FGF13: variants seen among roughly 807,000 people sequenced by gnomAD.
FGF13 encodes fibroblast growth factor homologous factor 2.
In FGF13, 2 loss-of-function variants were observed where a neutral mutation model predicts 19.5. The ratio of observed to expected loss-of-function variants is 0.10; its 90% CI spans 0.04 to 0.32. The LOEUF is 0.32. FGF13 is among the 10% of genes least tolerant of loss of function. The pLI, the probability that FGF13 is intolerant of heterozygous loss-of-function variation, is 1.00. For missense variants in FGF13, 113 were observed against 192.7 expected (o/e 0.59, Z 2.45); for synonymous variants, 72 against 76.9 (o/e 0.94, Z 0.33).
intron 1 of FGF13, among the ~76,000 whole-genome samples, chrX:139,010,882 A>G (rs2124372998): frequency 8.9e-6 from 1 of 111,888 alleles, no homozygotes; most frequent in African/African-American, 3.2e-5. Context: ...CTTGGAAAAT[A>G]TAAGTAAAAT....
At chrX:139,159,557 C>T in intron 1 of FGF13, among the ~76,000 whole-genome samples, 1 of 107,137 alleles carries the variant, frequency 9.3e-6, no homozygotes, top group Non-Finnish European at 1.9e-5. Context: ...AGTCAAGACC[C>T]ATCAGTGTGC....
chrX:139,194,531 A>T (rs1486797419), intron 1 of FGF13, among the ~76,000 whole-genome samples: 3 of 112,577 alleles, frequency 2.7e-5, no homozygotes, highest in Non-Finnish European at 5.6e-5. Flanking sequence ...ATTAGCATTA[A>T]CAAGAAGACA....
At chrX:139,057,468 A>T (rs749558016) in intron 1 of FGF13, among the ~76,000 whole-genome samples, 14 of 112,010 alleles carry the variant, frequency 1.2e-4, no homozygotes, top group African/African-American at 4.5e-4. Context: ...ACAGTTTTGC[A>T]TATGACCCAG....
intron 3 of FGF13, among the ~76,000 whole-genome samples, chrX:138,839,968 G>A (rs771142808): frequency 4.8e-4 from 54 of 111,658 alleles, no homozygotes; most frequent in African/African-American, 1.0e-3. Context: ...CATTTCTATC[G>A]AGATTATAGA....
At chrX:138,876,643 A>G (rs978026936) in intron 1 of FGF13, among the ~76,000 whole-genome samples, 2 of 112,085 alleles carry the variant, frequency 1.8e-5, no homozygotes, top group Non-Finnish European at 3.8e-5. Context: ...TTAGAAGAGG[A>G]TGCTGACCTC....
At chrX:138,770,067 C>T (rs1294260998) in intron 3 of FGF13, among the ~76,000 whole-genome samples, 1 of 112,347 alleles carries the variant, frequency 8.9e-6, no homozygotes, top group Non-Finnish European at 1.9e-5. Flanking sequence ...ATTCTGCATA[C>T]TATGCCCCTC....
chrX:139,033,290 T>C (rs2092237360), intron 1 of FGF13, among the ~76,000 whole-genome samples: 1 of 111,719 alleles, frequency 9.0e-6, no homozygotes, highest in Non-Finnish European at 1.9e-5. Flanking sequence ...CTACTACTAA[T>C]AAAAATGATT....
At chrX:138,865,433 TCTCTCTCTCTCTCTCTC>T (rs1174927256) in intron 1 of FGF13, among the ~76,000 whole-genome samples, 7 of 95,496 alleles carry the variant, frequency 7.3e-5, no homozygotes, top group African/African-American at 8.7e-5. Flanking sequence ...CTCTCTCTCT[TCTCTCTCTCTCTCTCTC>T]CTCTCTCTCT....
intron 1 of FGF13, among the ~76,000 whole-genome samples, chrX:138,727,156 A>T (rs766260224): frequency 3.8e-4 from 40 of 104,440 alleles, no homozygotes; most frequent in African/African-American, 1.4e-3. Flanking sequence ...AATAAGATTC[A>T]TTTTTTTTTT....
At chrX:138,690,142 CAG>C (rs1401210269) in intron 3 of FGF13, among the ~76,000 whole-genome samples, 1 of 111,490 alleles carries the variant, frequency 9.0e-6, no homozygotes, top group Non-Finnish European at 1.9e-5. Flanking sequence ...CATCTAATCA[CAG>C]AGAAGGGGTA....
chrX:138,743,480 C>T (rs1287367777), upstream of FGF13, among the ~76,000 whole-genome samples: 2 of 111,223 alleles, frequency 1.8e-5, no homozygotes, highest in Non-Finnish European at 3.8e-5. Context: ...TGTCCAAACC[C>T]AGACAATGTA....
At position 139,144,072 on chromosome X, in the gene FGF13, G is replaced by A. The variant is rs183100992; in HGVS notation, c.-113+59344C>T. 2.9e-4 allele frequency among the ~76,000 whole-genome samples: 32 copies of A among 111,270 alleles called. No homozygotes were observed. The East Asian group carries it at 8.9e-3, about 31-fold the overall frequency. ...AGCCAAGGAAAGGTAGCCCTGGCAG[G>A]GTGCAGCACTCCCCTCCTTCTCTCC... On this transcript the variant is annotated intron_variant, in intron 1 of 2. Transcript: ENST00000421460.
At position 138,628,806 on chromosome X, in the gene FGF13, G is replaced by A. The variant is rs575449895; in HGVS notation, c.*4044C>T. The A allele has an allele frequency of 8.9e-6, 1 of 111,848 alleles. No homozygotes were observed. Among genetic ancestry groups the A allele is most frequent in the African/African-American group, 3.2e-5 (1 of 30,853 alleles). 9.2% of individuals were successfully genotyped at this position (111,848 alleles called of 1,213,427 possible). A position where few individuals can be genotyped will look rare whatever the true frequency, so the allele number is the denominator to read the frequency against. ...AAACTGGAACAAATGTACTGGTTAG[G>A]GAGGGGAGGAGTGCCACAGATCACT... On this transcript the variant is annotated 3_prime_UTR_variant, in exon 5 of 5. Transcript: ENST00000315930.
At chrX:138,826,760 G>C (rs1162689045) in intron 3 of FGF13, among the ~76,000 whole-genome samples, 3 of 112,183 alleles carry the variant, frequency 2.7e-5, no homozygotes. Flanking sequence ...GGATCTATTA[G>C]CAAATTGAAT....
rs2124090188 is a variant in FGF13 at position 138,632,831 on chromosome X, C to A, written c.*19G>T. On this transcript the variant is annotated 3_prime_UTR_variant, in exon 5 of 5. Transcript: ENST00000315930. Reference sequence around the variant, plus strand: ...GGAGGTAAGGTTCTGTTACAGAGCCCTTCTTTTGCCCTCACTGGCTACGTT... The same window carrying A: ...GGAGGTAAGGTTCTGTTACAGAGCCATTCTTTTGCCCTCACTGGCTACGTT... The A allele has an allele frequency of 8.3e-7, 1 of 1,201,666 alleles. No individual in the cohort carries two copies. The highest frequency in any genetic ancestry group is 1.1e-6 in the Non-Finnish European group (1 of 888,956).
Position 138,635,601 on chromosome X carries a change from CATA to C in FGF13, c.454_456del (p.Tyr152del). 8.3e-7 allele frequency: 1 copy of C among 1,210,615 alleles called. No individual in the cohort carries two copies. The highest frequency in any genetic ancestry group is 1.1e-6 in the Non-Finnish European group (1 of 894,782). ...CGGTATATCATTGATGAATATGTCA[CATA>C]ATAATTTTCAAACACTGATTCTTTG... is the stretch of plus-strand genomic sequence containing the variant. On this transcript the variant is annotated inframe_deletion, in exon 4 of 5. Coordinates refer to ENST00000315930, the MANE Select transcript of FGF13 (RefSeq NM_004114.5).
intron 1 of FGF13, among the ~76,000 whole-genome samples, chrX:139,028,664 A>AG (rs2092212630): frequency 9.3e-5 from 5 of 53,974 alleles, no homozygotes; most frequent in African/African-American, 3.3e-4. Context: ...AGAGAGAGAG[A>AG]AAGAGAGAGT....
chrX:138,862,333 A>G (rs1047411968), intron 2 of FGF13, among the ~76,000 whole-genome samples: 1 of 112,269 alleles, frequency 8.9e-6, no homozygotes, highest in Non-Finnish European at 1.9e-5. Flanking sequence ...GAACATAATT[A>G]ATGATACATG....
intron 3 of FGF13, among the ~76,000 whole-genome samples, chrX:138,852,173 G>A (rs914259056): frequency 1.8e-5 from 2 of 111,585 alleles, no homozygotes; most frequent in African/African-American, 6.5e-5. Flanking sequence ...TGCTATTCCT[G>A]TTAAACTACC....
Sources: allele counts gnomAD v4.1 joint callset (sites outside exome capture counted in the v4.1 genomes callset), GRCh38; gene constraint gnomAD v4.1.1; transcripts MANE v1.5; gene names NCBI Gene and HGNC (gene_info 2026-07-23, HGNC 2026-07-21).